DNM3: variants seen among roughly 807,000 people sequenced by gnomAD.
The protein encoded by DNM3 is dynamin-3.
A neutral mutation model predicts 101.6 loss-of-function variants in DNM3; 47 were observed. The ratio of observed to expected loss-of-function variants is 0.46; its 90% CI spans 0.37 to 0.59. The LOEUF is 0.59. DNM3 is among the 20% of genes least tolerant of loss of function. The probability of loss-of-function intolerance (pLI) is 0.00; values close to 1 mark genes in which losing one functional copy is unlikely to be tolerated. For synonymous variants in DNM3, 385 were observed against 387.9 expected (o/e 0.99, Z 0.09); for missense variants, 849 against 1,085.7 (o/e 0.78, Z 3.06).
At position 172,395,173 on chromosome 1, in the gene DNM3, A is replaced by AT. The variant is rs151029098; in HGVS notation, c.2522+6383dup. Reference sequence around the variant, plus strand: ...TTCTTTCTGTGAAAGATCAGAAGCAATTTTTTTTTTTTTTTTTTTGAGGCG... The same window carrying AT: ...TTCTTTCTGTGAAAGATCAGAAGCAATTTTTTTTTTTTTTTTTTTTGAGGCG... On this transcript the variant is annotated intron_variant, in intron 20 of 20. Transcript: ENST00000627582. 2.8e-3 allele frequency among the ~76,000 whole-genome samples: 369 copies of AT among 133,130 alleles called. 3 individuals are homozygous for AT. Among genetic ancestry groups the AT allele is most frequent in the African/African-American group, 8.3e-3 (299 of 35,936 alleles). 87.3% of individuals were successfully genotyped at this position (133,130 alleles called of 152,430 possible).
At chr1:172,000,921 A>C (rs2046320363) in intron 4 of DNM3, among the ~76,000 whole-genome samples, 1 of 152,122 alleles carries the variant, frequency 6.6e-6, no homozygotes. Flanking sequence ...GGGAGATATT[A>C]TAACTTGTTT....
chr1:172,239,800 C>CTTTTTTTTTTTT (rs71107343), intron 14 of DNM3, among the ~76,000 whole-genome samples: 2 of 108,398 alleles, frequency 1.8e-5, no homozygotes, highest in African/African-American at 3.8e-5. Flanking sequence ...TTTTTTTTCT[C>CTTTTTTTTTTTT]TTTTTTTTTT....
At chr1:172,067,487 A>T (rs2051777831) in intron 10 of DNM3, among the ~76,000 whole-genome samples, 1 of 151,908 alleles carries the variant, frequency 6.6e-6, no homozygotes, top group South Asian at 2.1e-4. Flanking sequence ...TTGTCTGAGG[A>T]TCATACTCCT....
At chr1:171,869,768 A>G (rs964738339) in intron 1 of DNM3, among the ~76,000 whole-genome samples, 1 of 152,368 alleles carries the variant, frequency 6.6e-6, no homozygotes, top group African/African-American at 2.4e-5. Context: ...TAGGCAATCA[A>G]TATCTCATGC....
At chr1:172,013,219 A>G (rs1318236988) in intron 4 of DNM3, among the ~76,000 whole-genome samples, 2 of 151,932 alleles carry the variant, frequency 1.3e-5, no homozygotes, top group Non-Finnish European at 2.9e-5. Flanking sequence ...CCATTTCTTA[A>G]TTAGATGAAA....
chr1:172,025,385 C>A (rs920958878), intron 4 of DNM3, among the ~76,000 whole-genome samples: 13 of 152,220 alleles, frequency 8.5e-5, no homozygotes, highest in African/African-American at 2.9e-4. Flanking sequence ...CTTCAGCAGA[C>A]TTAAATGTTC....
chr1:171,997,607 C>T (rs1444887524), intron 4 of DNM3, among the ~76,000 whole-genome samples: 2 of 152,120 alleles, frequency 1.3e-5, no homozygotes, highest in East Asian at 3.9e-4. Context: ...TATTTACAGT[C>T]GTGCTCATAT....
chr1:172,349,906 T>C (rs921455259), intron 17 of DNM3, among the ~76,000 whole-genome samples: 5 of 152,062 alleles, frequency 3.3e-5, no homozygotes, highest in Non-Finnish European at 7.4e-5. Flanking sequence ...ATGCAAGAGG[T>C]TAAAAACATA....
At position 171,999,133 on chromosome 1, in the gene DNM3, G is replaced by T. The variant is rs138747348; in HGVS notation, c.589+9985G>T. Among the ~76,000 whole-genome samples, 65 of 152,160 alleles carry T rather than the reference G, an allele frequency of 4.3e-4. No homozygotes were observed. The South Asian group carries it at 6.2e-3, about 15-fold the overall frequency. On this transcript the variant is annotated intron_variant, in intron 4 of 20. Coordinates refer to ENST00000627582, the MANE Select transcript of DNM3 (RefSeq NM_015569.5). ...GCTGTGAGAAGAAAAGACTGAAGAC[G>T]GGCATGAATGTAAGCAAGGAGACCA...
chr1:172,081,719 A>T, intron 11 of DNM3, 113 bp from the exon 12 acceptor site: 1 of 804,514 alleles, frequency 1.2e-6, no homozygotes, highest in Non-Finnish European at 2.0e-6. Flanking sequence ...ATGCTAATTG[A>T]AGTATCCTTT....
rs889699305 is a variant in DNM3, at chr1:172,408,275, TCTACCATTAATGCTA to T, written c.*440_*454del. 1.4e-4 allele frequency: 138 copies of T among 990,924 alleles called. No individual in the cohort carries two copies. The highest frequency in any genetic ancestry group is 1.5e-4 in the Non-Finnish European group (125 of 833,256). 61.4% of individuals were successfully genotyped at this position (990,924 alleles called of 1,614,324 possible). On this transcript the variant is annotated 3_prime_UTR_variant, in exon 21 of 21. Transcript: ENST00000627582. ...GTTTAGGATGACAGTAATTCTGTTG[TCTACCATTAATGCTA>T]CTACCTACTCCATAATTGCCTATTT...
chr1:172,300,848 TAA>T, intron 15 of DNM3, among the ~76,000 whole-genome samples: 1 of 152,328 alleles, frequency 6.6e-6, no homozygotes, highest in Middle Eastern at 3.4e-3. Flanking sequence ...AGACAGGTGA[TAA>T]AGAGTGAAAG....
intron 17 of DNM3, among the ~76,000 whole-genome samples, chr1:172,355,231 A>G (rs1445985967): frequency 1.3e-5 from 2 of 152,030 alleles, no homozygotes; most frequent in Non-Finnish European, 2.9e-5. Context: ...ACAATCCAAC[A>G]TTTAAAAGGA....
At chr1:172,362,972 T>G (rs973514882) in intron 17 of DNM3, among the ~76,000 whole-genome samples, 2 of 151,540 alleles carry the variant, frequency 1.3e-5, no homozygotes, top group African/African-American at 4.8e-5. Flanking sequence ...CCTCCTCACC[T>G]TTTTTTTAAC....
intron 13 of DNM3, among the ~76,000 whole-genome samples, chr1:172,103,770 A>G (rs1324669808): frequency 6.6e-6 from 1 of 152,196 alleles, no homozygotes; most frequent in African/African-American, 2.4e-5. Context: ...TGGGGTGCCA[A>G]GGAGGGTGGA....
intron 13 of DNM3, among the ~76,000 whole-genome samples, chr1:172,118,153 A>C (rs1290757135): frequency 6.6e-6 from 1 of 152,172 alleles, no homozygotes. Context: ...ATTGGAAGAG[A>C]TTTAAAACTA....
chr1:172,365,335 T>A (rs1226570826), intron 17 of DNM3, among the ~76,000 whole-genome samples: 1 of 151,942 alleles, frequency 6.6e-6, no homozygotes, highest in Non-Finnish European at 1.5e-5. Context: ...TGTGGTGAAT[T>A]GTTGAAGTTG....
intron 15 of DNM3, among the ~76,000 whole-genome samples, chr1:172,290,805 T>C (rs537604497): frequency 2.0e-5 from 3 of 151,878 alleles, no homozygotes; most frequent in South Asian, 4.2e-4. Context: ...ACTGGAGAAA[T>C]TGAGAGTGAA....
At chr1:172,298,016 T>C (rs1223854561) in intron 15 of DNM3, among the ~76,000 whole-genome samples, 1 of 152,198 alleles carries the variant, frequency 6.6e-6, no homozygotes, top group Non-Finnish European at 1.5e-5. Flanking sequence ...TTTTTCCACT[T>C]CTATTAGATC....
Sources: gnomAD v4.1 joint callset for allele counts (sites outside exome capture counted in the v4.1 genomes callset) on GRCh38, gnomAD v4.1.1 for gene constraint, MANE v1.5 for transcripts, NCBI Gene and HGNC (gene_info 2026-07-23, HGNC 2026-07-21) for gene names.